ALG8: variants seen among roughly 807,000 people sequenced by gnomAD.
The protein encoded by ALG8 is dolichyl pyrophosphate Glc1Man9GlcNAc2 alpha-1,3-glucosyltransferase.
In ALG8, 48 loss-of-function variants were observed where a neutral mutation model predicts 70.2. That is an observed-to-expected ratio of 0.68 (90% CI 0.54 to 0.87). ALG8 has a LOEUF of 0.87. Ranked by LOEUF, ALG8 falls within the 40% of genes least tolerant of loss-of-function variation. The probability of loss-of-function intolerance (pLI) is 0.00; values close to 1 mark genes in which losing one functional copy is unlikely to be tolerated. For synonymous variants in ALG8, 234 were observed against 229.0 expected (o/e 1.02, Z -0.20); for missense variants, 572 against 608.7 (o/e 0.94, Z 0.64).
intron 1 of ALG8, 194 bp downstream of exon 1, chr11:78,139,300 G>T (rs946155996): frequency 3.1e-5 from 19 of 619,806 alleles, no homozygotes; most frequent in African/African-American, 3.0e-4. Flanking sequence ...ATCAGACAGC[G>T]CCAGGTCTGA....
Position 78,112,675 on chromosome 11 carries a change from A to G in ALG8, c.873T>C (p.Ala291=), listed in dbSNP as rs1860349003. ...CGATGACAGACAGCACTTTGTCCAA[A>G]GCATTGTACAAAGCCCAGAAGTTTG... ...WAPNFWALYN[A]LDKVLSVIGL... The change falls in exon 8 of 13, where the codon GCT becomes GCC. Residue 291 remains alanine (A), a synonymous_variant. Transcript: ENST00000299626. 6.2e-7 allele frequency: 1 copy of G among 1,614,070 alleles called. No homozygotes were observed. The highest frequency in any genetic ancestry group is 8.5e-7 in the Non-Finnish European group (1 of 1,179,918).
intron 10 of ALG8, among the ~76,000 whole-genome samples, chr11:78,105,296 TAAAG>T (rs1859967843): frequency 6.6e-6 from 1 of 152,202 alleles, no homozygotes; most frequent in African/African-American, 2.4e-5. Context: ...AAGAAAAATA[TAAAG>T]AAAGAGGCTA....
intron 5 of ALG8, chr11:78,114,876 G>A: frequency 4.0e-6 from 1 of 252,742 alleles, no homozygotes; most frequent in Non-Finnish European, 7.9e-6. Flanking sequence ...TCTGGAGGCT[G>A]AGGTGAGAGA....
intron 3 of ALG8, among the ~76,000 whole-genome samples, chr11:78,123,455 A>G (rs1049087056): frequency 1.3e-5 from 2 of 152,148 alleles, no homozygotes; most frequent in African/African-American, 4.8e-5. Flanking sequence ...CTTATAAGTA[A>G]AAGTTGTAAA....
In ALG8 at chr11:78,107,198, A is replaced by AATAT. The variant is rs57228944; in HGVS notation, c.1039-256_1039-253dup. ...TGTAAATAAATATATTTTATATGTA[A>AATAT]ATATATATATATATATATATATATA... On this transcript the variant is annotated intron_variant, in intron 9 of 12. Coordinates refer to ENST00000299626, the MANE Select transcript of ALG8 (RefSeq NM_024079.5). 0.086 allele frequency among the ~76,000 whole-genome samples: 12,383 copies of AATAT among 143,606 alleles called. 566 individuals carry two copies. Among genetic ancestry groups the AATAT allele is most frequent in the East Asian group, 0.2 (979 of 4,810 alleles). The allele number at this position is 143,606 out of a possible 152,430, so 94.2% of individuals were successfully genotyped here.
chr11:78,131,304 TAAC>T (rs1236398175), intron 1 of ALG8, among the ~76,000 whole-genome samples: 1 of 152,102 alleles, frequency 6.6e-6, no homozygotes, highest in African/African-American at 2.4e-5. Flanking sequence ...TAAATTGCAT[TAAC>T]AAAATCTACA....
intron 1 of ALG8, among the ~76,000 whole-genome samples, chr11:78,133,065 G>A (rs113623741): frequency 0.063 from 9,525 of 152,052 alleles, 985 homozygotes; most frequent in African/African-American, 0.22. Flanking sequence ...TCGATCTCCT[G>A]ACCTCGTGAT....
At chr11:78,108,109 C>T (rs990503482) in intron 9 of ALG8, among the ~76,000 whole-genome samples, 2 of 151,724 alleles carry the variant, frequency 1.3e-5, no homozygotes, top group African/African-American at 4.8e-5. Flanking sequence ...GAAACCCTGT[C>T]TCTACTAAAA....
intron 1 of ALG8, among the ~76,000 whole-genome samples, chr11:78,135,768 A>T (rs1473311644): frequency 1.3e-5 from 2 of 151,982 alleles, no homozygotes; most frequent in Non-Finnish European, 2.9e-5. Context: ...GAATCACTCG[A>T]ACCCGGGAAG....
intron 1 of ALG8, among the ~76,000 whole-genome samples, chr11:78,129,569 G>C (rs1174812305): frequency 2.0e-5 from 3 of 152,186 alleles, no homozygotes; most frequent in Admixed American, 6.5e-5. Context: ...GTGTGATTCA[G>C]GGACTCACAG....
intron 2 of ALG8, among the ~76,000 whole-genome samples, chr11:78,125,520 C>T (rs1348095804): frequency 8.6e-5 from 13 of 150,622 alleles, no homozygotes; most frequent in Admixed American, 8.6e-4. Context: ...AATCCCAGCA[C>T]TTTGGAAGGC....
chr11:78,132,212 A>G (rs1428712241), intron 1 of ALG8, among the ~76,000 whole-genome samples: 6 of 152,196 alleles, frequency 3.9e-5, no homozygotes, highest in African/African-American at 1.2e-4. Context: ...CTCCCTAGCT[A>G]CGGCTCTTAA....
At chr11:78,127,656 G>T (rs1238954534) in intron 1 of ALG8, among the ~76,000 whole-genome samples, 3 of 151,688 alleles carry the variant, frequency 2.0e-5, no homozygotes, top group Non-Finnish European at 4.4e-5. Flanking sequence ...CAGTGAAAAG[G>T]GTCTCAGAAC....
chr11:78,137,668 TG>T (rs1224153974), intron 1 of ALG8: 1 of 152,226 alleles, frequency 6.6e-6, no homozygotes, highest in African/African-American at 2.4e-5. Context: ...AGAGAGATGA[TG>T]GAACAGCTGG....
At position 78,139,581 on chromosome 11, in the gene ALG8, G is replaced by C; in HGVS notation, c.8C>G (p.Ala3Gly). The change falls in exon 1 of 13, where the codon GCG becomes GGG. Residue 3 changes from alanine to glycine, a missense_variant. Physicochemically the swap from Ala to Gly is moderately conservative, Grantham distance 60 (BLOSUM62 0). Transcript: ENST00000299626. MA[A>G]LTIATGTGNW... ...GCCAGTACCCGTGGCAATTGTGAGC[G>C]CCGCCATTGCTGCGGCACCGCACGC... The C allele has an allele frequency of 6.4e-7, 1 of 1,555,444 alleles. No homozygotes were observed. Among genetic ancestry groups the C allele is most frequent in the South Asian group, 1.2e-5 (1 of 84,298 alleles).
chr11:78,131,951 T>TA (rs1590841592), intron 1 of ALG8, among the ~76,000 whole-genome samples: 2 of 152,228 alleles, frequency 1.3e-5, no homozygotes, highest in Non-Finnish European at 2.9e-5. Flanking sequence ...GCCCTCTGGA[T>TA]AAAATCTAAA....
chr11:78,107,154 GTATA>G (rs998341672), intron 9 of ALG8, among the ~76,000 whole-genome samples: 1 of 148,526 alleles, frequency 6.7e-6, no homozygotes, highest in African/African-American at 2.5e-5. Context: ...CATTTGATGT[GTATA>G]TATATATTTT....
In ALG8 at chr11:78,104,353, TA is replaced by T; in HGVS notation, c.1276+2del. On this transcript the variant is annotated splice_donor_variant, in intron 11 of 12. Transcript: ENST00000299626. LOFTEE classifies it high-confidence loss of function. ...TATATTTTTCTCAGAAGACGCTGTT[TA>T]CCTGGTGCAGTGAAGAGCAGAGGAA... is the stretch of plus-strand genomic sequence containing the variant. 1 of 1,581,654 alleles carries T rather than the reference TA, an allele frequency of 6.3e-7. No homozygotes were observed. Among genetic ancestry groups the T allele is most frequent in the Non-Finnish European group, 8.6e-7 (1 of 1,164,064 alleles).
At chr11:78,132,072 C>G (rs1273259826) in intron 1 of ALG8, among the ~76,000 whole-genome samples, 1 of 152,156 alleles carries the variant, frequency 6.6e-6, no homozygotes, top group East Asian at 1.9e-4. Flanking sequence ...CACCTTTTCC[C>G]TCTGCCTGCA....
Sources: gnomAD v4.1 joint callset for allele counts (sites outside exome capture counted in the v4.1 genomes callset) on GRCh38, gnomAD v4.1.1 for gene constraint, MANE v1.5 for transcripts, NCBI Gene and HGNC (gene_info 2026-07-23, HGNC 2026-07-21) for gene names.